CDH1: variants seen among roughly 807,000 people sequenced by gnomAD.
The protein encoded by CDH1 is cadherin-1.
In CDH1, 35 loss-of-function variants were observed where a neutral mutation model predicts 84.5. The observed-to-expected ratio is 0.41, with a 90% CI of 0.32 to 0.55. The LOEUF is 0.55. Among genes scored for constraint, CDH1 ranks in the 20% least tolerant of loss-of-function variants. The probability of loss-of-function intolerance (pLI) is 0.19; values close to 1 mark genes in which losing one functional copy is unlikely to be tolerated. For missense variants in CDH1, 994 were observed against 1,126.6 expected, an observed-to-expected ratio of 0.88 and a Z score of 1.68; for synonymous variants, 417 against 439.0, an observed-to-expected ratio of 0.95 and a Z score of 0.63.
chr16:68,789,626 C>T (rs1252622413), intron 2 of CDH1, among the ~76,000 whole-genome samples: 1 of 151,964 alleles, frequency 6.6e-6, no homozygotes, highest in African/African-American at 2.4e-5. Context: ...CAGACTTAAG[C>T]AAGCGTCACC....
At chr16:68,783,507 A>G (rs1344291421) in intron 2 of CDH1, among the ~76,000 whole-genome samples, 2 of 152,174 alleles carry the variant, frequency 1.3e-5, no homozygotes, top group African/African-American at 4.8e-5. Context: ...TCTGCCTGTC[A>G]GCAGTTCATC....
intron 2 of CDH1, among the ~76,000 whole-genome samples, chr16:68,758,891 G>T (rs1291803141): frequency 6.6e-6 from 1 of 151,812 alleles, no homozygotes; most frequent in East Asian, 1.9e-4. Flanking sequence ...CGCCTCCCGG[G>T]TTCAAGCAAT....
chr16:68,745,575 T>TATGTATATATATAC (rs1285337722), intron 2 of CDH1, among the ~76,000 whole-genome samples: 1 of 100,766 alleles, frequency 9.9e-6, no homozygotes, highest in Non-Finnish European at 2.1e-5. Flanking sequence ...TATATATATA[T>TATGTATATATATAC]GTATGTGTAA....
At chr16:68,756,379 G>T (rs762652563) in intron 2 of CDH1, among the ~76,000 whole-genome samples, 15 of 152,020 alleles carry the variant, frequency 9.9e-5, no homozygotes, top group Non-Finnish European at 1.6e-4. Flanking sequence ...TGAACAGGTG[G>T]GGTGGGGCCC....
chr16:68,805,947 G>C (rs938051559), intron 3 of CDH1, among the ~76,000 whole-genome samples: 6 of 151,690 alleles, frequency 4.0e-5, no homozygotes, highest in African/African-American at 1.2e-4. Flanking sequence ...TTCTGGGATT[G>C]GTTTTTGTTT....
chr16:68,755,020 G>A, intron 2 of CDH1, among the ~76,000 whole-genome samples: 1 of 152,048 alleles, frequency 6.6e-6, no homozygotes, highest in East Asian at 1.9e-4. Context: ...GCTGGGTGTG[G>A]TGGTTTATGA....
At chr16:68,811,170 G>A (rs1241617725) in intron 6 of CDH1, among the ~76,000 whole-genome samples, 1 of 151,886 alleles carries the variant, frequency 6.6e-6, no homozygotes, top group African/African-American at 2.4e-5. Flanking sequence ...GGCCAAGGTG[G>A]GCAAATCACT....
At chr16:68,778,014 G>C (rs1049695307) in intron 2 of CDH1, among the ~76,000 whole-genome samples, 51 of 151,458 alleles carry the variant, frequency 3.4e-4, no homozygotes, top group African/African-American at 1.2e-3. Context: ...TTACAGGCAT[G>C]AGCCACCATG....
rs786201189 is a variant in CDH1, at chr16:68,812,233, C to T, written c.1107C>T (p.Asn369=). 3.1e-6 allele frequency: 5 copies of T among 1,614,152 alleles called. No individual in the cohort carries two copies. The highest frequency in any genetic ancestry group is 2.2e-5 in the South Asian group (2 of 91,090). ...CTGTGATCACAGTCACTGACACCAA[C>T]GATAATCCTCCGATCTTCAATCCCA... is the stretch of plus-strand genomic sequence containing the variant. The part of the protein sequence containing the change: ...ATAVITVTDT[N]DNPPIFNPTT... The change falls in exon 8 of 16, where the codon AAC becomes AAT. Residue 369 remains asparagine (N), a synonymous_variant. Transcript: ENST00000261769.
intron 14 of CDH1, among the ~76,000 whole-genome samples, chr16:68,828,655 A>T (rs752852454): frequency 2.6e-5 from 4 of 152,206 alleles, no homozygotes; most frequent in Non-Finnish European, 5.9e-5. Flanking sequence ...CTTCAGCCAG[A>T]TTCTCTTTGA....
At chr16:68,767,920 C>A (rs1380933798) in intron 2 of CDH1, among the ~76,000 whole-genome samples, 1 of 152,008 alleles carries the variant, frequency 6.6e-6, no homozygotes, top group Non-Finnish European at 1.5e-5. Context: ...CATAGAGAGA[C>A]CCCCATCTCT....
At chr16:68,811,569 C>G (rs570400612) in intron 6 of CDH1, 115 bp from the exon 7 acceptor site, 3 of 893,104 alleles carry the variant, frequency 3.4e-6, no homozygotes, top group Non-Finnish European at 3.7e-6. Flanking sequence ...AACTCTGACA[C>G]GGTACCACCC....
rs1221937678 is a variant in CDH1, at chr16:68,828,035, T to C, written c.2165-139T>C. The C allele has an allele frequency of 5.7e-6, 5 of 870,844 alleles. No homozygotes were observed. In the Admixed American group the frequency reaches 6.9e-5, roughly 12 times the overall value. 53.9% of individuals were successfully genotyped at this position (870,844 alleles called of 1,614,324 possible). On this transcript the variant is annotated intron_variant, in intron 13 of 15. Transcript: ENST00000261769. The stretch of plus-strand genomic sequence containing the variant: ...GATGTGAGTGTCACGTGGATTGACA[T>C]CTTCAAGTGTATTGAAGGCAGCTAG...
intron 2 of CDH1, among the ~76,000 whole-genome samples, chr16:68,796,425 C>A (rs1284567315): frequency 6.6e-6 from 1 of 152,162 alleles, no homozygotes; most frequent in Non-Finnish European, 1.5e-5. Flanking sequence ...GCTTTTGAGA[C>A]TGTCTTGTTT....
At chr16:68,746,840 T>C (rs921377159) in intron 2 of CDH1, among the ~76,000 whole-genome samples, 1 of 152,124 alleles carries the variant, frequency 6.6e-6, no homozygotes, top group Non-Finnish European at 1.5e-5. Context: ...TCCCAGCTAC[T>C]TGGGAGGCCG....
rs1188580985 is a variant in CDH1 at position 68,754,134 on chromosome 16, AT to A, written c.163+15725del. ...TCTGTCTCAAAAAAAAAAAAAAAAAATTATTCGGCAGGGCACAGTGGCTCAT... is the reference window on the plus strand; with the variant it reads ...TCTGTCTCAAAAAAAAAAAAAAAAAATATTCGGCAGGGCACAGTGGCTCAT... On this transcript the variant is annotated intron_variant, in intron 2 of 15. Transcript: ENST00000261769. 5.3e-3 allele frequency among the ~76,000 whole-genome samples: 676 copies of A among 127,390 alleles called. 7 individuals are homozygous for A. The highest frequency in any genetic ancestry group is 0.019 in the African/African-American group (644 of 34,524). The allele number at this position is 127,390 out of a possible 152,430, so 83.6% of individuals were successfully genotyped here. A position where few individuals can be genotyped will look rare whatever the true frequency, so the allele number is the denominator to read the frequency against.
intron 6 of CDH1, among the ~76,000 whole-genome samples, chr16:68,810,908 G>T (rs1420340563): frequency 2.0e-5 from 3 of 151,238 alleles, no homozygotes; most frequent in Non-Finnish European, 2.9e-5. Flanking sequence ...GTCTTGCTTT[G>T]TTGTCCAGGC....
intron 2 of CDH1, among the ~76,000 whole-genome samples, chr16:68,798,726 T>C (rs1960424658): frequency 6.6e-6 from 1 of 152,194 alleles, no homozygotes; most frequent in South Asian, 2.1e-4. Flanking sequence ...TCATTCCCTG[T>C]TTACATGACA....
At chr16:68,814,645 T>C (rs1960934655) in intron 9 of CDH1, 1 of 152,264 alleles carries the variant, frequency 6.6e-6, no homozygotes, top group Non-Finnish European at 1.5e-5. Context: ...ACATTCTCCT[T>C]CCCTCAGCTC....
Sources: allele counts gnomAD v4.1 joint callset (sites outside exome capture counted in the v4.1 genomes callset), GRCh38; gene constraint gnomAD v4.1.1; transcripts MANE v1.5; gene names NCBI Gene and HGNC (gene_info 2026-07-23, HGNC 2026-07-21).